The following DBF4B variants were observed in gnomAD, a reference collection of about 807,000 sequenced individuals.
The protein encoded by DBF4B is DBF4B-CDC7 kinase regulatory subunit.
In DBF4B, 49 loss-of-function variants were observed where a neutral mutation model predicts 53.4. That is an observed-to-expected ratio of 0.92 (90% CI 0.73 to 1.16). DBF4B has a LOEUF of 1.16. DBF4B is among the 50% of genes most tolerant of loss of function. The pLI is 0.00. For synonymous variants in DBF4B, 257 were observed against 288.7 expected, an observed-to-expected ratio of 0.89 and a Z score of 1.11; for missense variants, 692 against 775.0, an observed-to-expected ratio of 0.89 and a Z score of 1.27.
chr17:44,718,467 CGTT>C, intron 2 of DBF4B, among the ~76,000 whole-genome samples: 1 of 151,044 alleles, frequency 6.6e-6, no homozygotes, highest in East Asian at 1.9e-4. Context: ...AATTATATCT[CGTT>C]AGTCTCCTCC....
At chr17:44,720,831 C>T (rs1173147083) in intron 2 of DBF4B, among the ~76,000 whole-genome samples, 1 of 151,524 alleles carries the variant, frequency 6.6e-6, no homozygotes. Context: ...GTTCCAGTTT[C>T]TCATATCCTC....
intron 2 of DBF4B, 113 bp downstream of exon 2, chr17:44,709,479 G>A: frequency 1.7e-6 from 2 of 1,159,936 alleles, no homozygotes; most frequent in Non-Finnish European, 2.6e-6. Flanking sequence ...GTGTTTTTAT[G>A]TACTTATTTA....
intron 2 of DBF4B, among the ~76,000 whole-genome samples, chr17:44,712,540 G>A (rs1325568434): frequency 1.3e-5 from 2 of 151,808 alleles, no homozygotes; most frequent in Non-Finnish European, 2.9e-5. Context: ...TCCTGGTCTC[G>A]TGATCCACCC....
At chr17:44,714,231 A>G (rs1198292370) in intron 2 of DBF4B, among the ~76,000 whole-genome samples, 1 of 152,152 alleles carries the variant, frequency 6.6e-6, no homozygotes, top group Non-Finnish European at 1.5e-5. Context: ...TACAGTGTAC[A>G]TTGCTTGGGT....
At chr17:44,714,274 A>G (rs1973144802) in intron 2 of DBF4B, among the ~76,000 whole-genome samples, 1 of 152,146 alleles carries the variant, frequency 6.6e-6, no homozygotes, top group South Asian at 2.1e-4. Context: ...AATTCACTGT[A>G]GAACTCATCC....
chr17:44,716,977 A>C (rs963885379), intron 2 of DBF4B, among the ~76,000 whole-genome samples: 2 of 152,036 alleles, frequency 1.3e-5, no homozygotes, highest in Admixed American at 1.3e-4. Context: ...TCTTCTTGCC[A>C]GTTTCTTTAT....
intron 2 of DBF4B, 132 bp downstream of exon 2, chr17:44,709,498 AT>A: frequency 9.9e-7 from 1 of 1,013,098 alleles, no homozygotes; most frequent in Non-Finnish European, 1.5e-6. Context: ...TATTCATTTT[AT>A]TTATTGGGAT....
At chr17:44,712,963 A>G (rs1288686330) in intron 2 of DBF4B, among the ~76,000 whole-genome samples, 1 of 150,478 alleles carries the variant, frequency 6.6e-6, no homozygotes, top group Non-Finnish European at 1.5e-5. Flanking sequence ...ACAAACGCAC[A>G]TGCATTTCCC....
At position 44,708,714 on chromosome 17, in the gene DBF4B, C is replaced by G; in HGVS notation, c.-107C>G. 7.3e-7 allele frequency: 1 copy of G among 1,361,604 alleles called. No homozygotes were observed. The highest frequency in any genetic ancestry group is 1.5e-5 in the South Asian group (1 of 68,774). 84.3% of individuals were successfully genotyped at this position (1,361,604 alleles called of 1,614,324 possible). ...CCAAGAGATTGATGCTGTAGCTGCC[C>G]TGAGATAACCAGGACTGTGGAATCG... On this transcript the variant is annotated 5_prime_UTR_variant, in exon 1 of 14. Coordinates refer to ENST00000315005, the MANE Select transcript of DBF4B (RefSeq NM_145663.3).
chr17:44,709,070 A>G (rs2144726336), intron 1 of DBF4B: 3 of 775,092 alleles, frequency 3.9e-6, no homozygotes, highest in Middle Eastern at 7.7e-4. Flanking sequence ...TGAGATGGAC[A>G]GGAGGTGGCC....
intron 4 of DBF4B, 127 bp downstream of exon 4, chr17:44,730,223 CTG>C: frequency 7.4e-6 from 8 of 1,082,522 alleles, no homozygotes; most frequent in Non-Finnish European, 9.1e-6. Context: ...AATTCAGGGA[CTG>C]AGAATATTTT....
chr17:44,736,259 C>T (rs1373163950), intron 7 of DBF4B, among the ~76,000 whole-genome samples: 1 of 151,868 alleles, frequency 6.6e-6, no homozygotes, highest in African/African-American at 2.4e-5. Context: ...GTTGAAATTA[C>T]AGACGTGAGC....
chr17:44,717,640 CAGAGGTTGGACTG>C (rs999646354), intron 2 of DBF4B, among the ~76,000 whole-genome samples: 1 of 147,464 alleles, frequency 6.8e-6, no homozygotes, highest in Non-Finnish European at 1.5e-5. Context: ...ATCCGGGAGG[CAGAGGTTGGACTG>C]AGCCGAGATC....
At chr17:44,715,373 T>G (rs973460397) in intron 2 of DBF4B, among the ~76,000 whole-genome samples, 1 of 152,060 alleles carries the variant, frequency 6.6e-6, no homozygotes, top group African/African-American at 2.4e-5. Flanking sequence ...TTTTTTGTAT[T>G]TTTAGTAGAA....
intron 2 of DBF4B, among the ~76,000 whole-genome samples, chr17:44,712,219 A>G (rs116130953): frequency 8.7e-4 from 129 of 148,794 alleles, no homozygotes; most frequent in African/African-American, 3.0e-3. Flanking sequence ...GCTTTTAACT[A>G]TTTCTTCTAG....
intron 5 of DBF4B, chr17:44,731,705 G>A (rs1037786397): frequency 1.9e-5 from 3 of 160,378 alleles, no homozygotes; most frequent in African/African-American, 7.2e-5. Flanking sequence ...CTTGTGAGAA[G>A]AGTCATGCTG....
chr17:44,741,517 C>A, intron 10 of DBF4B, 65 bp downstream of exon 10: 2 of 1,137,880 alleles, frequency 1.8e-6, no homozygotes, highest in Non-Finnish European at 2.5e-6. Flanking sequence ...CCATCGGGGG[C>A]CTGCTGGTCA....
Position 44,751,646 on chromosome 17 carries a change from T to C in DBF4B, c.*393T>C. 7.2e-7 allele frequency: 1 copy of C among 1,381,034 alleles called. No individual in the cohort carries two copies. The highest frequency in any genetic ancestry group is 9.4e-7 in the Non-Finnish European group (1 of 1,067,836). 85.5% of individuals were successfully genotyped at this position (1,381,034 alleles called of 1,614,324 possible). A position where few individuals can be genotyped will look rare whatever the true frequency, so the allele number is the denominator to read the frequency against. On this transcript the variant is annotated 3_prime_UTR_variant, in exon 14 of 14. Coordinates refer to ENST00000315005, the MANE Select transcript of DBF4B (RefSeq NM_145663.3). ...ATTCAGTAAATCGACTTCAAATACT[T>C]GAAGGCTCCCACCTTCTGTTCTCTG...
At chr17:44,722,854 C>G in intron 2 of DBF4B, 26 bp from the exon 3 acceptor site, 1 of 1,611,590 alleles carries the variant, frequency 6.2e-7, no homozygotes, top group Non-Finnish European at 8.5e-7. Context: ...AAACTTCTTA[C>G]TTTGCTCCTC....
Sources: allele counts gnomAD v4.1 joint callset (sites outside exome capture counted in the v4.1 genomes callset), GRCh38; gene constraint gnomAD v4.1.1; transcripts MANE v1.5; gene names NCBI Gene and HGNC (gene_info 2026-07-23, HGNC 2026-07-21).